FGGY: variants seen among roughly 807,000 people sequenced by gnomAD.
FGGY encodes the protein FGGY carbohydrate kinase domain-containing protein.
Under a neutral mutation model 71.3 loss-of-function variants are expected in FGGY, and 72 were observed. The ratio of observed to expected loss-of-function variants is 1.01; its 90% confidence interval spans 0.84 to 1.23. The LOEUF (loss-of-function observed/expected upper bound fraction) is 1.23. FGGY is among the 50% of genes most tolerant of loss of function. The probability of loss-of-function intolerance (pLI) is 0.00; values close to 1 mark genes in which losing one functional copy is unlikely to be tolerated. For synonymous variants in FGGY, 251 were observed against 250.3 expected, an observed-to-expected ratio of 1.00 and a Z score of -0.02; for missense variants, 668 against 682.3, an observed-to-expected ratio of 0.98 and a Z score of 0.23.
intron 14 of FGGY, among the ~76,000 whole-genome samples, chr1:59,714,702 T>G (rs1354266763): frequency 1.3e-5 from 2 of 151,072 alleles, no homozygotes; most frequent in Non-Finnish European, 2.9e-5. Context: ...TTGGAGTGAG[T>G]GTAGAAAAGA....
chr1:59,494,578 G>A (rs572104504), intron 6 of FGGY, among the ~76,000 whole-genome samples: 14 of 152,160 alleles, frequency 9.2e-5, no homozygotes, highest in African/African-American at 3.4e-4. Flanking sequence ...AGCCACTAGA[G>A]GGGTTTCAAA....
At chr1:59,426,184 C>T (rs929027084) in intron 5 of FGGY, among the ~76,000 whole-genome samples, 4 of 152,150 alleles carry the variant, frequency 2.6e-5, no homozygotes, top group African/African-American at 4.8e-5. Context: ...TGGGCAGTTC[C>T]GCTTTTAGTC....
chr1:59,567,634 C>T (rs565911323), intron 8 of FGGY, among the ~76,000 whole-genome samples: 89 of 151,820 alleles, frequency 5.9e-4, no homozygotes, highest in African/African-American at 2.0e-3. Flanking sequence ...GAAGACAGGG[C>T]ATAGCTTCTC....
chr1:59,386,882 T>C (rs1212932172), intron 5 of FGGY, among the ~76,000 whole-genome samples: 1 of 152,136 alleles, frequency 6.6e-6, no homozygotes, highest in African/African-American at 2.4e-5. Flanking sequence ...TATTTCTTTA[T>C]ATTAAATTTA....
chr1:59,562,598 A>G (rs180822028), intron 8 of FGGY, among the ~76,000 whole-genome samples: 160 of 152,364 alleles, frequency 1.1e-3, no homozygotes, highest in African/African-American at 3.7e-3. Flanking sequence ...AAGTTTTAAG[A>G]AACTGCCAAA....
intron 6 of FGGY, among the ~76,000 whole-genome samples, chr1:59,472,465 T>C (rs1262212996): frequency 6.6e-6 from 1 of 152,178 alleles, no homozygotes; most frequent in Non-Finnish European, 1.5e-5. Flanking sequence ...GGCTGAGGAA[T>C]GCGGGCGCAC....
chr1:59,610,927 T>C (rs574298504), intron 9 of FGGY, among the ~76,000 whole-genome samples: 10 of 152,294 alleles, frequency 6.6e-5, no homozygotes, highest in African/African-American at 2.2e-4. Flanking sequence ...AGCACAGCAG[T>C]CTCAGATCCA....
At chr1:59,710,510 A>C (rs925506170) in intron 14 of FGGY, among the ~76,000 whole-genome samples, 2 of 152,256 alleles carry the variant, frequency 1.3e-5, no homozygotes. Flanking sequence ...GTGAACAGGC[A>C]ACCTACAGAA....
At chr1:59,328,987 A>G (rs1017686758) in intron 2 of FGGY, among the ~76,000 whole-genome samples, 1 of 152,214 alleles carries the variant, frequency 6.6e-6, no homozygotes, top group Admixed American at 6.5e-5. Context: ...AAAGTTTGAA[A>G]TATTATTAAG....
chr1:59,306,008 C>A (rs940006634), intron 1 of FGGY, among the ~76,000 whole-genome samples: 1 of 152,222 alleles, frequency 6.6e-6, no homozygotes, highest in Non-Finnish European at 1.5e-5. Flanking sequence ...TTTTGTGCCA[C>A]AATCTGCAGA....
In FGGY at chr1:59,641,414, T is replaced by C. The variant is rs2097025837; in HGVS notation, c.1221+3039T>C. On this transcript the variant is annotated intron_variant, in intron 11 of 15. Transcript: ENST00000303721. ...CACTGTGTTTTTATTGAATACCTGC[T>C]ATGTGCAGGCCTGTGCTAAACCCAG... is the stretch of plus-strand genomic sequence containing the variant. 3 of 1,334,118 alleles carry C rather than the reference T, an allele frequency of 2.2e-6. No individual in the cohort carries two copies. In the African/African-American group the frequency reaches 5.0e-5, roughly 22 times the overall value. 82.6% of individuals were successfully genotyped at this position (1,334,118 alleles called of 1,614,324 possible).
At chr1:59,607,314 G>A (rs1038763668) in intron 8 of FGGY, among the ~76,000 whole-genome samples, 2 of 152,244 alleles carry the variant, frequency 1.3e-5, no homozygotes, top group African/African-American at 2.4e-5. Context: ...AGTTTGAGGA[G>A]CGAAAGACAG....
At chr1:59,359,869 A>G (rs1021275055) in intron 4 of FGGY, among the ~76,000 whole-genome samples, 1 of 152,122 alleles carries the variant, frequency 6.6e-6, no homozygotes, top group Non-Finnish European at 1.5e-5. Flanking sequence ...ATGCAAAGTG[A>G]AGGAATATTC....
At chr1:59,463,399 G>A (rs983652543) in intron 6 of FGGY, among the ~76,000 whole-genome samples, 6 of 152,186 alleles carry the variant, frequency 3.9e-5, no homozygotes, top group Non-Finnish European at 4.4e-5. Context: ...ACCAGCCACT[G>A]CAAAAACATG....
At position 59,608,037 on chromosome 1, in the gene FGGY, C is replaced by G. The variant is rs1023550593; in HGVS notation, c.1011+127C>G. The stretch of plus-strand genomic sequence containing the variant: ...ACCCCTGAATCGGGGTGTACTTTCT[C>G]TTAGTGCACAGCCTAACATGTCATA... On this transcript the variant is annotated intron_variant, in intron 9 of 15. Transcript: ENST00000303721. 4.4e-6 allele frequency: 3 copies of G among 679,002 alleles called. No individual in the cohort carries two copies. The African/African-American group carries it at 5.4e-5, about 12-fold the overall frequency. 42.1% of individuals were successfully genotyped at this position (679,002 alleles called of 1,614,324 possible).
chr1:59,565,677 A>C (rs977732081), intron 8 of FGGY, among the ~76,000 whole-genome samples: 3 of 152,200 alleles, frequency 2.0e-5, no homozygotes, highest in African/African-American at 7.2e-5. Context: ...AGGCTGTGGG[A>C]TGGGTTGACC....
At chr1:59,340,882 T>C (rs1305391862) in intron 3 of FGGY, among the ~76,000 whole-genome samples, 1 of 152,128 alleles carries the variant, frequency 6.6e-6, no homozygotes. Context: ...CAGATGACAT[T>C]AGGGAGCAGT....
chr1:59,670,987 A>G (rs1186308327), intron 13 of FGGY, among the ~76,000 whole-genome samples: 1 of 152,198 alleles, frequency 6.6e-6, no homozygotes, highest in Non-Finnish European at 1.5e-5. Context: ...TAGTTTCAGT[A>G]GGGGTTTCCC....
At chr1:59,392,641 A>G (rs952898641) in intron 5 of FGGY, among the ~76,000 whole-genome samples, 2 of 152,156 alleles carry the variant, frequency 1.3e-5, no homozygotes, top group African/African-American at 4.8e-5. Flanking sequence ...CCTTTGGGCT[A>G]TGATTTAATG....
Sources: allele counts gnomAD v4.1 joint callset (sites outside exome capture counted in the v4.1 genomes callset), GRCh38; gene constraint gnomAD v4.1.1; transcripts MANE v1.5; gene names NCBI Gene and HGNC (gene_info 2026-07-23, HGNC 2026-07-21).